Variants in IL7 observed in about 807,000 individuals in gnomAD.
The protein encoded by IL7 is interleukin 7.
Under a neutral mutation model 21.6 loss-of-function variants are expected in IL7, and 3 were observed. That is an observed-to-expected ratio of 0.14 (90% CI 0.06 to 0.36). The LOEUF (loss-of-function observed/expected upper bound fraction) is 0.36, where lower values mean the gene tolerates loss of function less well. Ranked by LOEUF, IL7 falls within the 10% of genes least tolerant of loss-of-function variation. The pLI, the probability that IL7 is intolerant of heterozygous loss-of-function variation, is 1.00. For missense variants in IL7, 175 were observed against 200.2 expected, an observed-to-expected ratio of 0.87 and a Z score of 0.76; for synonymous variants, 62 against 68.1, an observed-to-expected ratio of 0.91 and a Z score of 0.44.
intron 3 of IL7, among the ~76,000 whole-genome samples, chr8:78,704,508 T>TTC (rs1186406940): frequency 6.6e-6 from 1 of 152,162 alleles, no homozygotes; most frequent in Non-Finnish European, 1.5e-5. Flanking sequence ...GACCTGGCCT[T>TTC]TCTCTCTAGC....
intron 2 of IL7, among the ~76,000 whole-genome samples, chr8:78,778,514 CTTGT>C (rs984110631): frequency 2.6e-5 from 4 of 152,184 alleles, no homozygotes; most frequent in African/African-American, 9.6e-5. Context: ...TTCCCCATTG[CTTGT>C]TTTTGTCAGG....
At chr8:78,731,093 G>A (rs535291963), downstream of IL7, among the ~76,000 whole-genome samples, 26 of 152,114 alleles carry the variant, frequency 1.7e-4, no homozygotes, top group East Asian at 4.3e-3. Flanking sequence ...TTTATATGGC[G>A]TGGTAGGGTT....
intron 2 of IL7, among the ~76,000 whole-genome samples, chr8:78,797,487 G>A (rs1401944497): frequency 2.0e-5 from 3 of 151,958 alleles, no homozygotes; most frequent in South Asian, 4.1e-4. Flanking sequence ...CAGAGAGAGA[G>A]AGAGCATATG....
In IL7 at chr8:78,733,501, G is replaced by C. The variant is rs974997819; in HGVS notation, c.*212C>G. The stretch of plus-strand genomic sequence containing the variant: ...GATTGATAAATGTTCACATATATAA[G>C]AAATAGTTTGTTGACTGGAGCATTC... On this transcript the variant is annotated 3_prime_UTR_variant, in exon 6 of 6. Transcript: ENST00000263851. The C allele has an allele frequency of 4.5e-6, 2 of 446,264 alleles. No individual in the cohort carries two copies. Among genetic ancestry groups the C allele is most frequent in the Non-Finnish European group, 7.9e-6 (2 of 253,922 alleles). The allele number at this position is 446,264 out of a possible 1,614,324, so 27.6% of individuals were successfully genotyped here.
intron 1 of IL7, among the ~76,000 whole-genome samples, chr8:78,804,200 T>C (rs7828417): frequency 0.1 from 15,594 of 152,134 alleles, 866 homozygotes; most frequent in Middle Eastern, 0.14. Flanking sequence ...TAGGTCTCAA[T>C]ACTGGTCTGG....
At chr8:78,773,578 GC>G (rs1447599320) in intron 2 of IL7, among the ~76,000 whole-genome samples, 1 of 152,074 alleles carries the variant, frequency 6.6e-6, no homozygotes, top group Non-Finnish European at 1.5e-5. Flanking sequence ...CGTGTAAGGG[GC>G]AATACAGAGT....
intron 2 of IL7, among the ~76,000 whole-genome samples, chr8:78,758,832 C>T (rs2717548): frequency 0.24 from 35,803 of 151,814 alleles, 4,927 homozygotes; most frequent in African/African-American, 0.38. Context: ...TTGGAGAACA[C>T]TTATATTTTT....
intron 2 of IL7, among the ~76,000 whole-genome samples, chr8:78,749,535 T>A (rs1812098994): frequency 6.6e-6 from 1 of 152,000 alleles, no homozygotes; most frequent in East Asian, 1.9e-4. Context: ...GAAGCAGAGA[T>A]CCATGAGCAG....
At chr8:78,756,436 C>T (rs1341999988) in intron 2 of IL7, among the ~76,000 whole-genome samples, 1 of 151,786 alleles carries the variant, frequency 6.6e-6, no homozygotes, top group Non-Finnish European at 1.5e-5. Flanking sequence ...AGAAATAAAG[C>T]CATCTGGTCC....
intron 2 of IL7, among the ~76,000 whole-genome samples, chr8:78,790,835 C>G (rs1272137776): frequency 1.3e-5 from 2 of 151,648 alleles, no homozygotes; most frequent in African/African-American, 2.4e-5. Flanking sequence ...GAACAAAAAT[C>G]CCATGTTCAT....
At chr8:78,736,367 T>A (rs1050670603) in intron 5 of IL7, 107 bp downstream of exon 5, 1 of 635,364 alleles carries the variant, frequency 1.6e-6, no homozygotes, top group East Asian at 3.0e-5. Flanking sequence ...TATAATAAAT[T>A]ATTTCAAAAC....
At chr8:78,677,143 T>C (rs1391268574) in intron 4 of IL7, among the ~76,000 whole-genome samples, 1 of 152,156 alleles carries the variant, frequency 6.6e-6, no homozygotes, top group Non-Finnish European at 1.5e-5. Flanking sequence ...TTTTATTTTT[T>C]CCCAAAGTTT....
Position 78,770,689 on chromosome 8 carries a change from A to G in IL7, c.147+27383T>C, listed in dbSNP as rs531864368. Among the ~76,000 whole-genome samples, 15 of 151,686 alleles carry G rather than the reference A, an allele frequency of 9.9e-5. No individual in the cohort carries two copies. The South Asian group carries it at 2.7e-3, about 27-fold the overall frequency. On this transcript the variant is annotated intron_variant, in intron 2 of 5. Coordinates refer to ENST00000263851, the MANE Select transcript of IL7 (RefSeq NM_000880.4). ...CACAGACCAATATGCAAAGACACGC[A>G]CACACACACACATACACACGCACAC...
At chr8:78,768,085 A>G (rs1586086439) in intron 2 of IL7, among the ~76,000 whole-genome samples, 2 of 151,424 alleles carry the variant, frequency 1.3e-5, no homozygotes, top group African/African-American at 4.8e-5. Flanking sequence ...CCACGTCCCT[A>G]CAAAGGACAT....
intron 4 of IL7, among the ~76,000 whole-genome samples, chr8:78,682,348 T>A (rs1000192960): frequency 1.4e-5 from 2 of 147,232 alleles, no homozygotes; most frequent in Non-Finnish European, 2.9e-5. Context: ...GGAGACTGGG[T>A]AATTTATAAA....
chr8:78,715,293 CA>C (rs886826236), downstream of IL7: 2 of 1,613,430 alleles, frequency 1.2e-6, no homozygotes, highest in African/African-American at 2.7e-5. Flanking sequence ...TGCTTACAAA[CA>C]AAAGAAAAAC....
downstream of IL7, chr8:78,717,249 A>G: frequency 7.6e-7 from 1 of 1,311,812 alleles, no homozygotes; most frequent in Non-Finnish European, 1.0e-6. Flanking sequence ...TGTTATATTT[A>G]TGTCCTGTTT....
chr8:78,751,854 C>T (rs868612303), intron 2 of IL7, among the ~76,000 whole-genome samples: 2 of 152,120 alleles, frequency 1.3e-5, no homozygotes, highest in South Asian at 4.1e-4. Context: ...CTGCAGAATG[C>T]CAGGGCTAAT....
chr8:78,743,632 G>A (rs896281824), intron 2 of IL7, among the ~76,000 whole-genome samples: 1 of 152,204 alleles, frequency 6.6e-6, no homozygotes, highest in Middle Eastern at 3.4e-3. Context: ...GGAGGATTAA[G>A]TACTTCTCTA....
Sources: gnomAD v4.1 joint callset for allele counts (sites outside exome capture counted in the v4.1 genomes callset) on GRCh38, gnomAD v4.1.1 for gene constraint, MANE v1.5 for transcripts, NCBI Gene and HGNC (gene_info 2026-07-23, HGNC 2026-07-21) for gene names.